The following TANC1 variants were observed in gnomAD, a reference collection of about 807,000 sequenced individuals.
TANC1 encodes the protein tetratricopeptide repeat, ankyrin repeat and coiled-coil containing 1.
TANC1 carries 77 observed loss-of-function variants against 149.7 expected under a neutral mutation model. The observed-to-expected ratio is 0.51, with a 90% confidence interval of 0.43 to 0.62. The LOEUF (loss-of-function observed/expected upper bound fraction) is 0.62, where lower values mean the gene tolerates loss of function less well. TANC1 is among the 20% of genes least tolerant of loss of function. TANC1 has a pLI of 0.00. For synonymous variants in TANC1, 854 were observed against 925.0 expected, an observed-to-expected ratio of 0.92 and a Z score of 1.39; for missense variants, 1,985 against 2,321.8, an observed-to-expected ratio of 0.85 and a Z score of 2.98.
intron 3 of TANC1, among the ~76,000 whole-genome samples, chr2:159,086,397 G>T (rs1206885212): frequency 6.6e-6 from 1 of 152,128 alleles, no homozygotes; most frequent in East Asian, 1.9e-4. Flanking sequence ...CAATCAATAG[G>T]AAAGACCATC....
intron 12 of TANC1, among the ~76,000 whole-genome samples, chr2:159,175,739 G>A (rs1201984474): frequency 2.0e-5 from 3 of 152,204 alleles, no homozygotes; most frequent in Non-Finnish European, 4.4e-5. Flanking sequence ...TGCCCACATG[G>A]CACCTCTGCT....
At chr2:159,155,416 G>A (rs1033057659) in intron 7 of TANC1, among the ~76,000 whole-genome samples, 3 of 152,198 alleles carry the variant, frequency 2.0e-5, no homozygotes, top group Non-Finnish European at 4.4e-5. Context: ...CTGTTGAGAT[G>A]TGTAATCTCC....
chr2:159,011,786 G>T (rs2037797874), intron 2 of TANC1, among the ~76,000 whole-genome samples: 1 of 152,158 alleles, frequency 6.6e-6, no homozygotes, highest in African/African-American at 2.4e-5. Context: ...TGTGCCAAAA[G>T]TGTACATCCC....
intron 19 of TANC1, among the ~76,000 whole-genome samples, chr2:159,212,727 C>A (rs575161131): frequency 6.6e-6 from 1 of 152,224 alleles, no homozygotes; most frequent in Admixed American, 6.5e-5. Context: ...TGGAGACCAT[C>A]CTGGCCAACA....
At chr2:159,080,128 G>A (rs1180457217) in intron 3 of TANC1, among the ~76,000 whole-genome samples, 2 of 152,036 alleles carry the variant, frequency 1.3e-5, no homozygotes, top group East Asian at 1.9e-4. Flanking sequence ...CTCCCTCCCC[G>A]AGCTAAGTCC....
intron 7 of TANC1, among the ~76,000 whole-genome samples, chr2:159,150,936 C>G (rs981788548): frequency 6.6e-6 from 1 of 152,154 alleles, no homozygotes; most frequent in East Asian, 1.9e-4. Flanking sequence ...TTATCCCAAT[C>G]TCAAGGTCAC....
At chr2:159,017,257 G>GC (rs2038374244) in intron 2 of TANC1, among the ~76,000 whole-genome samples, 2 of 152,166 alleles carry the variant, frequency 1.3e-5, no homozygotes, top group Non-Finnish European at 2.9e-5. Context: ...AAATCAAGCT[G>GC]CCAGGTAGTT....
intron 2 of TANC1, among the ~76,000 whole-genome samples, chr2:159,050,223 G>C (rs529883432): frequency 2.5e-4 from 38 of 152,194 alleles, no homozygotes; most frequent in Admixed American, 9.2e-4. Context: ...GCCCACCTCA[G>C]CCCCGCAAAG....
At chr2:159,212,030 T>C (rs1421724185) in intron 19 of TANC1, among the ~76,000 whole-genome samples, 1 of 152,260 alleles carries the variant, frequency 6.6e-6, no homozygotes, top group Non-Finnish European at 1.5e-5. Flanking sequence ...CTATTTTTAG[T>C]GCTGGACTGT....
intron 3 of TANC1, among the ~76,000 whole-genome samples, chr2:159,088,870 G>GT (rs913544033): frequency 2.6e-5 from 4 of 152,156 alleles, no homozygotes; most frequent in African/African-American, 4.8e-5. Context: ...TCTATTGATG[G>GT]TACCAAGCGG....
chr2:159,126,371 A>C (rs1232148502), intron 4 of TANC1, among the ~76,000 whole-genome samples: 1 of 152,146 alleles, frequency 6.6e-6, no homozygotes, highest in Non-Finnish European at 1.5e-5. Context: ...TACATTTCTG[A>C]GGCTTATTAC....
At chr2:159,185,664 C>T (rs2056904836) in intron 14 of TANC1, 127 bp from the exon 15 acceptor site, 2 of 648,616 alleles carry the variant, frequency 3.1e-6, no homozygotes, top group East Asian at 2.7e-5. Context: ...CCCTTAGCCT[C>T]CCGGAGTTTA....
Position 159,007,468 on chromosome 2 carries a change from C to T in TANC1, c.-16+6279C>T, listed in dbSNP as rs566951186. Among the ~76,000 whole-genome samples the T allele has an allele frequency of 3.3e-5, 5 of 152,142 alleles. No homozygotes were observed. The South Asian group carries it at 1.0e-3, about 32-fold the overall frequency. ...GCCATATGCTGTGTTTTTACTGTCCCCTTTCTATGTTTAGATGTATAAGTA... is the reference window on the plus strand; with the variant it reads ...GCCATATGCTGTGTTTTTACTGTCCTCTTTCTATGTTTAGATGTATAAGTA... On this transcript the variant is annotated intron_variant, in intron 2 of 26. Transcript: ENST00000263635.
intron 16 of TANC1, 22 bp from the exon 17 acceptor site, chr2:159,194,235 G>A (rs527902128): frequency 2.5e-6 from 4 of 1,595,192 alleles, no homozygotes; most frequent in East Asian, 2.2e-5. Flanking sequence ...TGACAATCTT[G>A]TTGGGGGGCC....
intron 1 of TANC1, among the ~76,000 whole-genome samples, chr2:158,973,488 C>T (rs1023342911): frequency 2.6e-5 from 4 of 152,190 alleles, no homozygotes; most frequent in Non-Finnish European, 5.9e-5. Flanking sequence ...CATACGTATA[C>T]GGCTGCTGGT....
chr2:159,130,550 G>A (rs190265869), intron 4 of TANC1, among the ~76,000 whole-genome samples: 47 of 152,244 alleles, frequency 3.1e-4, no homozygotes, highest in African/African-American at 1.1e-3. Context: ...TGTGATTGGC[G>A]CTTGGTGACT....
intron 7 of TANC1, among the ~76,000 whole-genome samples, chr2:159,154,046 A>G (rs2053161164): frequency 6.6e-6 from 1 of 152,122 alleles, no homozygotes. Context: ...CTTTCCATTT[A>G]ATTTTCCATT....
chr2:159,057,393 G>A (rs925609560), intron 2 of TANC1, among the ~76,000 whole-genome samples: 1 of 152,188 alleles, frequency 6.6e-6, no homozygotes, highest in African/African-American at 2.4e-5. Flanking sequence ...ACTTGCCTTT[G>A]TGTCCCTTGT....
In TANC1 at chr2:159,103,846, C is replaced by G. The variant is rs1476703863; in HGVS notation, c.259+6012C>G. Among the ~76,000 whole-genome samples the G allele has an allele frequency of 1.3e-4, 13 of 97,134 alleles. 2 individuals are homozygous for G. Among genetic ancestry groups the G allele is most frequent in the African/African-American group, 3.7e-4 (13 of 35,062 alleles). The allele number at this position is 97,134 out of a possible 152,430, so 63.7% of individuals were successfully genotyped here. A position where few individuals can be genotyped will look rare whatever the true frequency, so the allele number is the denominator to read the frequency against. ...AGCGTCTTCTCTTATGTCAGCCAGC[C>G]TGTGCCGATGTTCTGCCTGTACGTT... On this transcript the variant is annotated intron_variant, in intron 4 of 26. Transcript: ENST00000263635.
Sources: allele counts gnomAD v4.1 joint callset (sites outside exome capture counted in the v4.1 genomes callset), GRCh38; gene constraint gnomAD v4.1.1; transcripts MANE v1.5; gene names NCBI Gene and HGNC (gene_info 2026-07-23, HGNC 2026-07-21).